The following ZNF679 variants were observed in gnomAD, a reference collection of about 807,000 sequenced individuals.
ZNF679 encodes hypothetical protein MGC42415.
A neutral mutation model predicts 13.4 loss-of-function variants in ZNF679; 10 were observed. The observed-to-expected ratio is 0.75, with a 90% confidence interval of 0.46 to 1.27. ZNF679 has a LOEUF of 1.27. ZNF679 is among the 50% of genes most tolerant of loss of function. ZNF679 has a pLI of 0.00. For missense variants in ZNF679, 525 were observed against 477.8 expected, an observed-to-expected ratio of 1.10 and a Z score of -0.92; for synonymous variants, 179 against 162.5, an observed-to-expected ratio of 1.10 and a Z score of -0.77.
chr7:64,229,528 G>A (rs1158340783), intron 1 of ZNF679, among the ~76,000 whole-genome samples: 3 of 152,066 alleles, frequency 2.0e-5, no homozygotes, highest in African/African-American at 7.2e-5. Context: ...GCTGTGTCTA[G>A]GTTTAAGAGT....
At chr7:64,229,024 G>A (rs1260394411) in intron 1 of ZNF679, among the ~76,000 whole-genome samples, 1 of 152,118 alleles carries the variant, frequency 6.6e-6, no homozygotes, top group Non-Finnish European at 1.5e-5. Context: ...CTTGAGAGTG[G>A]AATTCTGCTC....
chr7:64,236,925 G>GAAAGAAAGAA (rs1192039182), intron 1 of ZNF679, among the ~76,000 whole-genome samples: 7 of 24,664 alleles, frequency 2.8e-4, no homozygotes, highest in Non-Finnish European at 4.3e-4. Flanking sequence ...AAAGAAAGAA[G>GAAAGAAAGAA]AAAGAAAGAA....
chr7:64,250,230 AT>A (rs1251524308), intron 2 of ZNF679, among the ~76,000 whole-genome samples: 1 of 125,392 alleles, frequency 8.0e-6, no homozygotes, highest in African/African-American at 3.0e-5. Context: ...CTGTTTAAAT[AT>A]TTTTATACTC....
intron 1 of ZNF679, among the ~76,000 whole-genome samples, chr7:64,235,753 C>A (rs1340283614): frequency 6.6e-6 from 1 of 151,298 alleles, no homozygotes; most frequent in Non-Finnish European, 1.5e-5. Flanking sequence ...CATGCCACTG[C>A]ACTCCAGCCT....
rs1040296728 is a variant in ZNF679, at chr7:64,254,620, G to C, written c.39+5464G>C. Among the ~76,000 whole-genome samples, 5 of 152,068 alleles carry C rather than the reference G, an allele frequency of 3.3e-5. No individual in the cohort carries two copies. In the East Asian group the frequency reaches 7.7e-4, roughly 23 times the overall value. Reference sequence around the variant, plus strand: ...AATTATTGAACTTGAGGGAGATTATGGGAGTCCCCAGTTTACAGACAGTAG... The same window carrying C: ...AATTATTGAACTTGAGGGAGATTATCGGAGTCCCCAGTTTACAGACAGTAG... On this transcript the variant is annotated intron_variant, in intron 2 of 4. Coordinates refer to ENST00000421025, the MANE Select transcript of ZNF679 (RefSeq NM_153363.3).
chr7:64,250,516 C>T (rs112717568), intron 2 of ZNF679, among the ~76,000 whole-genome samples: 29 of 150,160 alleles, frequency 1.9e-4, no homozygotes, highest in African/African-American at 5.9e-4. Flanking sequence ...GTGATCTGGC[C>T]GCCTTTGCCA....
At chr7:64,265,284 A>G (rs975285570) in intron 4 of ZNF679, among the ~76,000 whole-genome samples, 42 of 152,148 alleles carry the variant, frequency 2.8e-4, no homozygotes, top group African/African-American at 1.0e-3. Context: ...ACATGTTCTC[A>G]GGATGTGTCT....
intron 2 of ZNF679, among the ~76,000 whole-genome samples, chr7:64,257,447 G>A (rs1469955633): frequency 2.0e-5 from 3 of 152,082 alleles, no homozygotes; most frequent in Non-Finnish European, 4.4e-5. Flanking sequence ...AAAAATTAAT[G>A]ATAGAGAAAC....
intron 2 of ZNF679, among the ~76,000 whole-genome samples, chr7:64,258,035 G>T (rs962560309): frequency 2.6e-5 from 4 of 152,172 alleles, no homozygotes; most frequent in Non-Finnish European, 5.9e-5. Context: ...TGCACTGCCT[G>T]CCCTATTTCA....
intron 4 of ZNF679, among the ~76,000 whole-genome samples, chr7:64,261,814 T>A (rs2115608074): frequency 6.6e-6 from 1 of 152,152 alleles, no homozygotes; most frequent in South Asian, 2.1e-4. Flanking sequence ...TTTGTATATC[T>A]TTTTTTATTA....
In ZNF679 at chr7:64,266,880, T is replaced by C; in HGVS notation, c.*11T>C. 4 of 1,545,280 alleles carry C rather than the reference T, an allele frequency of 2.6e-6. No homozygotes were observed. Among genetic ancestry groups the C allele is most frequent in the Non-Finnish European group, 3.5e-6 (4 of 1,146,838 alleles). ...TACAAATGTGAATAATGTGATAAAG[T>C]CCAGCCTTCAGACCTTATAATACAT... is the stretch of plus-strand genomic sequence containing the variant. On this transcript the variant is annotated 3_prime_UTR_variant, in exon 5 of 5. Coordinates refer to ENST00000421025, the MANE Select transcript of ZNF679 (RefSeq NM_153363.3).
At chr7:64,236,941 GA>G (rs754210901) in intron 1 of ZNF679, among the ~76,000 whole-genome samples, 52 of 35,094 alleles carry the variant, frequency 1.5e-3, no homozygotes, top group East Asian at 0.011. Flanking sequence ...AAGAAAGAAA[GA>G]AAGAAAGAAA....
chr7:64,244,797 T>A (rs1584229346), intron 1 of ZNF679, among the ~76,000 whole-genome samples: 1 of 152,190 alleles, frequency 6.6e-6, no homozygotes, highest in Non-Finnish European at 1.5e-5. Context: ...CATTGGGGTC[T>A]CCCAGAAGAA....
Position 64,266,114 on chromosome 7 carries a change from T to A in ZNF679, c.481T>A (p.Cys161Ser), listed in dbSNP as rs1352155326. The A allele has an allele frequency of 6.2e-7, 1 of 1,611,600 alleles. No individual in the cohort carries two copies. Reference protein sequence around the residue: ...TQNKIFQTHKCVKVFGKFSNS... With the variant: ...TQNKIFQTHKSVKVFGKFSNS... ...AAACAAAATATTTCAGACTCATAAA[T>A]GTGTCAAAGTCTTCGGCAAATTTTC... is the stretch of plus-strand genomic sequence containing the variant. Residue 161 changes from cysteine (C) to serine (S), a missense_variant, in exon 5 of 5, where the codon TGT (cysteine) becomes AGT (serine). Physicochemically the swap from Cys to Ser is moderately radical, Grantham distance 112. Transcript: ENST00000421025.
Position 64,266,085 on chromosome 7 carries a change from C to T in ZNF679, c.452C>T (p.Thr151Ile). 2 of 1,612,964 alleles carry T rather than the reference C, an allele frequency of 1.2e-6. No individual in the cohort carries two copies. Among genetic ancestry groups the T allele is most frequent in the Non-Finnish European group, 1.7e-6 (2 of 1,179,488 alleles). The change falls in exon 5 of 5, where the codon ACC (threonine) becomes ATC (isoleucine). Residue 151 changes from threonine (T) to isoleucine (I), a missense_variant. Physicochemically the swap from Thr to Ile is moderately conservative, Grantham distance 89. Transcript: ENST00000421025. ...CNEVNQCLST[T>I]QNKIFQTHKC... is the part of the protein sequence containing the mutation. Reference sequence around the variant, plus strand: ...GAAGTTAACCAATGTTTGTCAACTACCCAAAACAAAATATTTCAGACTCAT... The same window carrying T: ...GAAGTTAACCAATGTTTGTCAACTATCCAAAACAAAATATTTCAGACTCAT...
At chr7:64,241,907 A>G (rs1253464449) in intron 1 of ZNF679, among the ~76,000 whole-genome samples, 2 of 152,232 alleles carry the variant, frequency 1.3e-5, no homozygotes, top group East Asian at 1.9e-4. Context: ...TGGGAAATGT[A>G]ATTGTCACAA....
At chr7:64,233,188 A>G (rs945080533) in intron 1 of ZNF679, among the ~76,000 whole-genome samples, 1 of 151,790 alleles carries the variant, frequency 6.6e-6, no homozygotes, top group Non-Finnish European at 1.5e-5. Flanking sequence ...TGGTGAGCCA[A>G]GATCGCCCCA....
At chr7:64,260,099 A>G (rs183407885) in intron 2 of ZNF679, 122 bp from the exon 3 acceptor site, 31 of 838,620 alleles carry the variant, frequency 3.7e-5, no homozygotes, top group Non-Finnish European at 5.4e-5. Context: ...AGTCACTCTT[A>G]TAAGTGAGAA....
intron 1 of ZNF679, among the ~76,000 whole-genome samples, chr7:64,239,650 C>T (rs1382854849): frequency 6.6e-6 from 1 of 152,038 alleles, no homozygotes; most frequent in Non-Finnish European, 1.5e-5. Context: ...CTGCCTGGAC[C>T]CTGCCCACAG....
Sources: allele counts gnomAD v4.1 joint callset (sites outside exome capture counted in the v4.1 genomes callset), GRCh38; gene constraint gnomAD v4.1.1; transcripts MANE v1.5; gene names NCBI Gene and HGNC (gene_info 2026-07-23, HGNC 2026-07-21).